The following MYO1E variants were observed in gnomAD, a reference collection of about 807,000 sequenced individuals.
MYO1E encodes the protein unconventional myosin-Ie.
A neutral mutation model predicts 151.1 loss-of-function variants in MYO1E; 68 were observed. That is an observed-to-expected ratio of 0.45 (90% confidence interval 0.37 to 0.55). The LOEUF (loss-of-function observed/expected upper bound fraction) is 0.55. Ranked by LOEUF, MYO1E falls within the 20% of genes least tolerant of loss-of-function variation. The pLI, the probability that MYO1E is intolerant of heterozygous loss-of-function variation, is 0.00. For synonymous variants in MYO1E, 601 were observed against 501.7 expected (o/e 1.20, Z -2.64); for missense variants, 1,363 against 1,389.3 (o/e 0.98, Z 0.30).
intron 7 of MYO1E, among the ~76,000 whole-genome samples, chr15:59,226,807 A>C (rs1264979068): frequency 1.3e-5 from 2 of 152,372 alleles, no homozygotes; most frequent in Admixed American, 1.3e-4. Flanking sequence ...ACACTGTCTC[A>C]AATAAAAAAA....
At chr15:59,334,097 A>G (rs1367465911) in intron 1 of MYO1E, among the ~76,000 whole-genome samples, 2 of 152,204 alleles carry the variant, frequency 1.3e-5, no homozygotes, top group African/African-American at 2.4e-5. Context: ...GCTGGGCAAC[A>G]TAGTGACACT....
intron 1 of MYO1E, among the ~76,000 whole-genome samples, chr15:59,360,644 T>A (rs190344539): frequency 6.6e-6 from 1 of 152,206 alleles, no homozygotes; most frequent in African/African-American, 2.4e-5. Flanking sequence ...TTGCCCTTTT[T>A]TTCCCCCAAC....
chr15:59,231,670 G>A (rs572450572), intron 6 of MYO1E, 32 bp downstream of exon 6: 3 of 1,602,942 alleles, frequency 1.9e-6, no homozygotes, highest in Admixed American at 1.7e-5. Flanking sequence ...CATCAATCAA[G>A]CGACACTCTC....
intron 27 of MYO1E, 150 bp downstream of exon 27, chr15:59,138,048 C>G (rs2079383969): frequency 1.1e-6 from 1 of 922,548 alleles, no homozygotes; most frequent in East Asian, 2.4e-5. Context: ...AAGCTGGTGT[C>G]TTGATCAGAC....
intron 4 of MYO1E, among the ~76,000 whole-genome samples, chr15:59,246,103 AT>A (rs1220150512): frequency 6.6e-6 from 1 of 152,040 alleles, no homozygotes; most frequent in Non-Finnish European, 1.5e-5. Flanking sequence ...CTTTTTTTAA[AT>A]TTTTTAAATT....
At chr15:59,263,335 C>G (rs1451401762) in intron 2 of MYO1E, among the ~76,000 whole-genome samples, 6 of 152,172 alleles carry the variant, frequency 3.9e-5, no homozygotes, top group African/African-American at 1.4e-4. Flanking sequence ...GAACACTCAG[C>G]ACTGTGAGCA....
chr15:59,256,341 G>T lies in MYO1E; in HGVS notation c.275C>A (p.Ala92Glu), dbSNP rs1372950669. The change falls in exon 4 of 28, where the codon GCA becomes GAA. Residue 92 changes from alanine to glutamate, a missense_variant. Transcript: ENST00000288235. The part of the protein sequence containing the change: ...YENPPHIYAL[A>E]DNMYRNMIID... The stretch of plus-strand genomic sequence containing the variant: ...GATCATGTTTCTGTACATATTATCT[G>T]CAAGGGCATAGATATGTGGTGGGTT... 6.2e-7 allele frequency: 1 copy of T among 1,612,676 alleles called. No individual in the cohort carries two copies. The highest frequency in any genetic ancestry group is 8.5e-7 in the Non-Finnish European group (1 of 1,178,980).
At chr15:59,214,478 C>A (rs79478250) in intron 11 of MYO1E, among the ~76,000 whole-genome samples, 162 bp downstream of exon 11, 2 of 152,044 alleles carry the variant, frequency 1.3e-5, no homozygotes, top group Non-Finnish European at 2.9e-5. Context: ...TTGGTAAAGG[C>A]ACATGAAGAA....
chr15:59,158,084 C>T (rs1468727688), intron 25 of MYO1E, among the ~76,000 whole-genome samples: 2 of 152,238 alleles, frequency 1.3e-5, no homozygotes, highest in Admixed American at 6.5e-5. Flanking sequence ...GCAAACTCAG[C>T]CGCAGTTCAG....
chr15:59,257,410 G>C (rs1246733432), intron 3 of MYO1E, among the ~76,000 whole-genome samples: 1 of 152,160 alleles, frequency 6.6e-6, no homozygotes, highest in Non-Finnish European at 1.5e-5. Flanking sequence ...GGAGGACGCA[G>C]TGAGCTACAA....
intron 1 of MYO1E, among the ~76,000 whole-genome samples, chr15:59,365,783 T>C (rs2080909487): frequency 6.6e-6 from 1 of 152,154 alleles, no homozygotes; most frequent in Admixed American, 6.5e-5. Flanking sequence ...CTTATACTTA[T>C]TCCAGGAAAA....
chr15:59,304,037 C>A (rs2080500145), intron 1 of MYO1E, among the ~76,000 whole-genome samples: 1 of 147,318 alleles, frequency 6.8e-6, no homozygotes, highest in African/African-American at 2.5e-5. Context: ...GGCTGGAGTG[C>A]AACGGCGCAA....
chr15:59,140,707 G>C (rs1475636911), intron 26 of MYO1E, among the ~76,000 whole-genome samples: 1 of 152,220 alleles, frequency 6.6e-6, no homozygotes, highest in Non-Finnish European at 1.5e-5. Flanking sequence ...AGATGTTCAT[G>C]GGGTGCTGAT....
intron 14 of MYO1E, chr15:59,208,216 T>C (rs1248564693): frequency 1.2e-6 from 1 of 805,770 alleles, no homozygotes; most frequent in African/African-American, 1.8e-5. Context: ...TTTTCCTATT[T>C]ATTTAGTCCT....
intron 21 of MYO1E, 84 bp downstream of exon 21, chr15:59,173,661 TG>T: frequency 6.5e-7 from 1 of 1,536,622 alleles, no homozygotes; most frequent in South Asian, 1.1e-5. Context: ...CATTCTGATT[TG>T]GTAACAACAA....
rs2079356957 is a variant in MYO1E at position 59,133,756 on chromosome 15, A to C, written c.*3624T>G. The C allele has an allele frequency of 6.6e-6, 1 of 152,222 alleles. No homozygotes were observed. Among genetic ancestry groups the C allele is most frequent in the Non-Finnish European group, 1.5e-5 (1 of 68,076 alleles). 9.4% of individuals were successfully genotyped at this position (152,222 alleles called of 1,614,324 possible). ...TGCTCTGCTCTTGATTGCCCTGGAA[A>C]CCAGAATCCAGCCCTACTGCCAGTG... is the stretch of plus-strand genomic sequence containing the variant. On this transcript the variant is annotated 3_prime_UTR_variant, in exon 28 of 28. Transcript: ENST00000288235.
intron 17 of MYO1E, among the ~76,000 whole-genome samples, chr15:59,190,403 C>T (rs1265381005): frequency 2.0e-5 from 3 of 152,158 alleles, no homozygotes; most frequent in African/African-American, 4.8e-5. Flanking sequence ...ATCCTCATTC[C>T]GATGTCACGC....
intron 10 of MYO1E, among the ~76,000 whole-genome samples, chr15:59,215,881 C>T (rs78079546): frequency 6.6e-6 from 1 of 152,096 alleles, no homozygotes; most frequent in East Asian, 1.9e-4. Context: ...GGCTGCACCA[C>T]CCCCTTGCTG....
At chr15:59,258,260 T>C (rs2080205277) in intron 3 of MYO1E, among the ~76,000 whole-genome samples, 1 of 152,176 alleles carries the variant, frequency 6.6e-6, no homozygotes, top group African/African-American at 2.4e-5. Context: ...GGCAGGAGAA[T>C]TGCTTGAATC....
Sources: allele counts gnomAD v4.1 joint callset (sites outside exome capture counted in the v4.1 genomes callset), GRCh38; gene constraint gnomAD v4.1.1; transcripts MANE v1.5; gene names NCBI Gene and HGNC (gene_info 2026-07-23, HGNC 2026-07-21).